GRIN2A: variants seen among roughly 807,000 people sequenced by gnomAD.
GRIN2A encodes the protein glutamate receptor ionotropic, NMDA 2A.
Under a neutral mutation model 113.4 loss-of-function variants are expected in GRIN2A, and 22 were observed. The ratio of observed to expected loss-of-function variants is 0.19; its 90% CI spans 0.14 to 0.28. The LOEUF is 0.28. Among genes scored for constraint, GRIN2A ranks in the 10% least tolerant of loss-of-function variants. The pLI is 1.00. For synonymous variants in GRIN2A, 827 were observed against 738.4 expected (o/e 1.12, Z -1.94); for missense variants, 1,502 against 1,887.0 (o/e 0.80, Z 3.78).
chr16:9,763,634 G>C lies in GRIN2A; in HGVS notation c.3910C>G (p.Leu1304Val). ...CTTATGCTCCGGGAGGGCCTGCTAA[G>C]GTCTAGCTCCCTAGGTTTGTCGACA... is the stretch of plus-strand genomic sequence containing the variant. ...NIVDKPRELD[L>V]SRPSRSISLK... Residue 1304 changes from leucine (L) to valine (V), a missense_variant, in exon 13 of 13, where the codon CTT becomes GTT. Around this residue, in one of 7 missense-constraint regions of GRIN2A, gnomAD observed 832 missense variants for 789.7 expected, o/e 1.05. Coordinates refer to ENST00000330684, the MANE Select transcript of GRIN2A (RefSeq NM_001134407.3). 2 of 1,613,270 alleles carry C rather than the reference G, an allele frequency of 1.2e-6. No homozygotes were observed. Among genetic ancestry groups the C allele is most frequent in the Non-Finnish European group, 1.7e-6 (2 of 1,179,992 alleles).
At chr16:10,157,429 A>G (rs369779871) in intron 2 of GRIN2A, among the ~76,000 whole-genome samples, 2 of 152,234 alleles carry the variant, frequency 1.3e-5, no homozygotes, top group African/African-American at 4.8e-5. Context: ...AGACAATAAT[A>G]TACTGTATTA....
At chr16:9,905,306 T>C (rs1463828546) in intron 3 of GRIN2A, among the ~76,000 whole-genome samples, 1 of 152,238 alleles carries the variant, frequency 6.6e-6, no homozygotes, top group Non-Finnish European at 1.5e-5. Context: ...CCCATCAGAA[T>C]ACTGGTTAAT....
intron 2 of GRIN2A, chr16:10,112,797 G>A (rs2048644765): frequency 1.5e-6 from 1 of 674,210 alleles, no homozygotes; most frequent in Admixed American, 1.8e-5. Flanking sequence ...GTACTCAGGA[G>A]AGCTCAAATT....
In GRIN2A at chr16:9,847,416, T is replaced by C. The variant is rs186319213; in HGVS notation, c.1328+2340A>G. Among the ~76,000 whole-genome samples, 557 of 151,694 alleles carry C rather than the reference T, an allele frequency of 3.7e-3. 3 individuals carry two copies. Among genetic ancestry groups the C allele is most frequent in the African/African-American group, 0.013 (518 of 41,380 alleles). On this transcript the variant is annotated intron_variant, in intron 5 of 12. Transcript: ENST00000330684. The stretch of plus-strand genomic sequence containing the variant: ...CTAAAAAAAAAAATTAATTAAAACA[T>C]GAGCCAGACATGGTGGCACAGGCCT...
intron 2 of GRIN2A, among the ~76,000 whole-genome samples, chr16:10,016,198 G>C (rs2046607889): frequency 6.6e-6 from 1 of 151,560 alleles, no homozygotes; most frequent in South Asian, 2.1e-4. Context: ...GCGCAGAGAA[G>C]AGGCCCCCTA....
In GRIN2A at chr16:10,119,795, G is replaced by A. The variant is rs895280875; in HGVS notation, c.414+60203C>T. ...TTCCCCTCCCTATGTCCCTGTGTTCGCACTGTTTAGCTCCCACTTATAAGT... is the reference window on the plus strand; with the variant it reads ...TTCCCCTCCCTATGTCCCTGTGTTCACACTGTTTAGCTCCCACTTATAAGT... On this transcript the variant is annotated intron_variant, in intron 2 of 12. Transcript: ENST00000330684. 1.3e-4 allele frequency among the ~76,000 whole-genome samples: 20 copies of A among 152,078 alleles called. No individual in the cohort carries two copies. The East Asian group carries it at 2.1e-3, about 16-fold the overall frequency.
chr16:9,771,615 C>G (rs1901278637), intron 11 of GRIN2A, among the ~76,000 whole-genome samples: 1 of 148,166 alleles, frequency 6.7e-6, no homozygotes. Flanking sequence ...TGTTCTGACT[C>G]TCATGGTGGG....
Position 9,929,136 on chromosome 16 carries a change from A to G in GRIN2A, c.1007+8823T>C, listed in dbSNP as rs183339163. On this transcript the variant is annotated intron_variant, in intron 3 of 12. Transcript: ENST00000330684. ...TTAAAGTTCCTCATGGTTTAAACCCAGGCCCTCCTGAGTCATCATTCTCCC... is the reference window on the plus strand; with the variant it reads ...TTAAAGTTCCTCATGGTTTAAACCCGGGCCCTCCTGAGTCATCATTCTCCC... Among the ~76,000 whole-genome samples the G allele has an allele frequency of 3.1e-3, 468 of 152,322 alleles. 4 individuals carry two copies. The highest frequency in any genetic ancestry group is 0.011 in the African/African-American group (444 of 41,578).
At chr16:9,990,735 G>C (rs2046095287) in intron 2 of GRIN2A, among the ~76,000 whole-genome samples, 2 of 151,856 alleles carry the variant, frequency 1.3e-5, no homozygotes, top group African/African-American at 2.4e-5. Context: ...AACAGAGTTT[G>C]TAAGGTAGGT....
chr16:9,999,346 G>C (rs184386740), intron 2 of GRIN2A, among the ~76,000 whole-genome samples: 11 of 152,252 alleles, frequency 7.2e-5, no homozygotes, highest in African/African-American at 2.6e-4. Flanking sequence ...TAAGAATCAA[G>C]CTGTCCATCA....
intron 11 of GRIN2A, among the ~76,000 whole-genome samples, chr16:9,796,387 A>G (rs969408006): frequency 1.3e-5 from 2 of 152,220 alleles, no homozygotes; most frequent in African/African-American, 4.8e-5. Context: ...ATCCCCTGTA[A>G]GGGTGATTAT....
At position 9,822,347 on chromosome 16, in the gene GRIN2A, C is replaced by T. The variant is rs9806806; in HGVS notation, c.2085G>A (p.Arg695=). The part of the protein sequence containing the change: ...VPNGSTERNI[R]NNYPYMHQYM... The stretch of plus-strand genomic sequence containing the variant: ...ACTGATGCATGTAGGGATAGTTATT[C>T]CGAATGTTTCTCTCCGTGCTTCCAT... The change falls in exon 10 of 13, where the codon CGG becomes CGA. Residue 695 remains arginine, a synonymous_variant. Transcript: ENST00000330684. The T allele has an allele frequency of 3.1e-6, 5 of 1,611,334 alleles. No homozygotes were observed. In the South Asian group the frequency reaches 5.5e-5, roughly 18 times the overall value.
intron 3 of GRIN2A, among the ~76,000 whole-genome samples, chr16:9,933,632 C>A (rs2044648377): frequency 6.6e-6 from 1 of 152,244 alleles, no homozygotes; most frequent in South Asian, 2.1e-4. Flanking sequence ...GAACTCCTAA[C>A]TCCAGAGTCC....
At chr16:9,963,965 C>T (rs562055601) in intron 2 of GRIN2A, among the ~76,000 whole-genome samples, 1 of 152,288 alleles carries the variant, frequency 6.6e-6, no homozygotes, top group South Asian at 2.1e-4. Flanking sequence ...AGTGGACAGA[C>T]AGACACAAAG....
intron 2 of GRIN2A, among the ~76,000 whole-genome samples, chr16:9,988,284 CGTGTGT>C (rs4031160): frequency 2.5e-4 from 37 of 146,820 alleles, no homozygotes; most frequent in African/African-American, 5.7e-4. Context: ...TGTGTGTGTG[CGTGTGT>C]GTGTGTGTGT....
chr16:9,967,119 T>A (rs1165035646), intron 2 of GRIN2A, among the ~76,000 whole-genome samples: 2 of 152,174 alleles, frequency 1.3e-5, no homozygotes, highest in Non-Finnish European at 2.9e-5. Context: ...AAATTTGGGG[T>A]GAATTCTTCC....
chr16:9,839,913 T>A (rs1236521630), intron 7 of GRIN2A, among the ~76,000 whole-genome samples: 1 of 152,084 alleles, frequency 6.6e-6, no homozygotes, highest in East Asian at 1.9e-4. Flanking sequence ...TCACTTGAGG[T>A]CAGGAGTTTG....
In GRIN2A at chr16:10,077,871, G is replaced by A. The variant is rs760428923; in HGVS notation, c.414+102127C>T. On this transcript the variant is annotated intron_variant, in intron 2 of 12. Transcript: ENST00000330684. ...ACCATTTTTTTTGGTGATACCTTCCGTGGCATCATATTTAAGACTGCAGCC... is the reference window on the plus strand; with the variant it reads ...ACCATTTTTTTTGGTGATACCTTCCATGGCATCATATTTAAGACTGCAGCC... Among the ~76,000 whole-genome samples the A allele has an allele frequency of 1.4e-3, 217 of 152,042 alleles. 5 individuals carry two copies. The highest frequency in any genetic ancestry group is 3.4e-4 in the Non-Finnish European group (23 of 68,024).
At chr16:9,812,630 T>G (rs2042108089) in intron 10 of GRIN2A, among the ~76,000 whole-genome samples, 1 of 151,750 alleles carries the variant, frequency 6.6e-6, no homozygotes, top group Admixed American at 6.6e-5. Flanking sequence ...AGAGCGAGAC[T>G]CTGTCTCAAA....
Sources: allele counts gnomAD v4.1 joint callset (sites outside exome capture counted in the v4.1 genomes callset), GRCh38; gene constraint gnomAD v4.1.1; regional missense constraint gnomAD v4.1.1; transcripts MANE v1.5; gene names NCBI Gene and HGNC (gene_info 2026-07-23, HGNC 2026-07-21).